MRTFA: variants seen among roughly 807,000 people sequenced by gnomAD.
MRTFA encodes myocardin related transcription factor A, also known as myocardin-related transcription factor A.
MRTFA carries 20 observed loss-of-function variants against 83.5 expected under a neutral mutation model. The ratio of observed to expected loss-of-function variants is 0.24; its 90% CI spans 0.17 to 0.35. The LOEUF is 0.35. Ranked by LOEUF, MRTFA falls within the 10% of genes least tolerant of loss-of-function variation. The pLI is 1.00. For missense variants in MRTFA, 1,200 were observed against 1,224.7 expected (o/e 0.98, Z 0.30); for synonymous variants, 659 against 541.2 (o/e 1.22, Z -3.02).
intron 3 of MRTFA, among the ~76,000 whole-genome samples, chr22:40,470,239 A>T (rs1400795899): frequency 4.2e-5 from 1 of 24,094 alleles, no homozygotes; most frequent in East Asian, 1.7e-3. Flanking sequence ...TTTTATATAT[A>T]TATATATATA....
chr22:40,483,873 T>G (rs1038294773), intron 3 of MRTFA, among the ~76,000 whole-genome samples: 2 of 151,868 alleles, frequency 1.3e-5, no homozygotes, highest in Non-Finnish European at 2.9e-5. Context: ...TTTTGCTTTT[T>G]GGGGGTTTGT....
intron 4 of MRTFA, among the ~76,000 whole-genome samples, chr22:40,455,131 A>G (rs1445589713): frequency 1.3e-5 from 2 of 152,214 alleles, no homozygotes; most frequent in Admixed American, 1.3e-4. Flanking sequence ...AGTAGCAACT[A>G]GCCAAATGTG....
At chr22:40,525,111 A>T (rs956816669) in intron 3 of MRTFA, among the ~76,000 whole-genome samples, 2 of 152,130 alleles carry the variant, frequency 1.3e-5, no homozygotes, top group Non-Finnish European at 2.9e-5. Context: ...TGCCCAGCCA[A>T]CATAAGCTTT....
intron 14 of MRTFA, among the ~76,000 whole-genome samples, chr22:40,415,731 C>T (rs1218698583): frequency 6.6e-6 from 1 of 152,076 alleles, no homozygotes; most frequent in Non-Finnish European, 1.5e-5. Flanking sequence ...TTCCCCTCTG[C>T]AGGGGAACCT....
At chr22:40,422,863 A>C (rs374655958) in intron 9 of MRTFA, among the ~76,000 whole-genome samples, 2 of 152,266 alleles carry the variant, frequency 1.3e-5, no homozygotes, top group East Asian at 3.9e-4. Context: ...GTGAGGAGAG[A>C]GCCTGGGGAA....
intron 1 of MRTFA, among the ~76,000 whole-genome samples, chr22:40,595,196 T>A (rs565738143): frequency 6.8e-6 from 1 of 146,920 alleles, no homozygotes; most frequent in African/African-American, 2.5e-5. Flanking sequence ...CTCAGCTCAC[T>A]GCAACCTCCG....
chr22:40,460,016 TG>T (rs1158132415), intron 4 of MRTFA, among the ~76,000 whole-genome samples: 14 of 151,460 alleles, frequency 9.2e-5, no homozygotes, highest in Admixed American at 9.2e-4. Context: ...AAACTCGGCT[TG>T]CTGCAGCCTC....
intron 3 of MRTFA, among the ~76,000 whole-genome samples, chr22:40,529,889 G>A (rs766620122): frequency 6.6e-6 from 1 of 152,062 alleles, no homozygotes; most frequent in Non-Finnish European, 1.5e-5. Context: ...CTTTATTGAG[G>A]CAGCCAGGGT....
rs970403466 is a variant in MRTFA at position 40,496,490 on chromosome 22, T to C, written c.242-33204A>G. 1.4e-4 allele frequency among the ~76,000 whole-genome samples: 21 copies of C among 150,958 alleles called. 2 individuals are homozygous for C. The highest frequency in any genetic ancestry group is 1.2e-3 in the Admixed American group (18 of 15,092). On this transcript the variant is annotated intron_variant, in intron 3 of 14. Coordinates refer to ENST00000355630, the MANE Select transcript of MRTFA (RefSeq NM_020831.6). ...CTACATTAAATAACTACTGTCTTTATAATAAGCCAAAAATCTTTTTCTCAA... is the reference window on the plus strand; with the variant it reads ...CTACATTAAATAACTACTGTCTTTACAATAAGCCAAAAATCTTTTTCTCAA...
chr22:40,526,753 T>C (rs959639239), intron 3 of MRTFA: 4 of 152,148 alleles, frequency 2.6e-5, no homozygotes, highest in Non-Finnish European at 5.9e-5. Context: ...CCTCTGTAAA[T>C]TGTGAAGATA....
At chr22:40,625,264 G>A (rs1456327263) in intron 1 of MRTFA, among the ~76,000 whole-genome samples, 10 of 151,666 alleles carry the variant, frequency 6.6e-5, no homozygotes, top group Non-Finnish European at 1.5e-4. Context: ...AGGATCACTT[G>A]AGCCCAGGAG....
At chr22:40,551,000 TG>T (rs1812049100) in intron 3 of MRTFA, among the ~76,000 whole-genome samples, 1 of 151,898 alleles carries the variant, frequency 6.6e-6, no homozygotes, top group South Asian at 2.1e-4. Flanking sequence ...TACAAGCATG[TG>T]CCACCATGCC....
chr22:40,538,886 T>G (rs370831794), intron 3 of MRTFA, among the ~76,000 whole-genome samples: 11 of 152,234 alleles, frequency 7.2e-5, no homozygotes, highest in East Asian at 5.8e-4. Flanking sequence ...AACAAAAGGT[T>G]TGCTTCTAAT....
At chr22:40,447,354 AAAAAAAG>A (rs1161323064) in intron 4 of MRTFA, among the ~76,000 whole-genome samples, 1 of 152,036 alleles carries the variant, frequency 6.6e-6, no homozygotes, top group East Asian at 1.9e-4. Flanking sequence ...GTTTCAAAAA[AAAAAAAG>A]AAAAAAGAAA....
At chr22:40,424,431 T>C (rs1313524080) in intron 7 of MRTFA, 50 bp from the exon 8 acceptor site, 1 of 1,592,326 alleles carries the variant, frequency 6.3e-7, no homozygotes, top group African/African-American at 1.3e-5. Flanking sequence ...AGGGAACAGA[T>C]GAGCAGGGAC....
chr22:40,582,132 CTATTCTGGA>C (rs958195635), intron 2 of MRTFA, among the ~76,000 whole-genome samples: 16 of 152,164 alleles, frequency 1.1e-4, no homozygotes, highest in African/African-American at 3.6e-4. Context: ...ACGGATTTGC[CTATTCTGGA>C]CATTTCACAT....
intron 3 of MRTFA, among the ~76,000 whole-genome samples, chr22:40,468,013 G>GT (rs1158841519): frequency 6.6e-6 from 1 of 152,092 alleles, no homozygotes; most frequent in Non-Finnish European, 1.5e-5. Flanking sequence ...AAAACCCTAG[G>GT]TTCTCCACTC....
At chr22:40,548,584 G>A (rs1466058844) in intron 3 of MRTFA, among the ~76,000 whole-genome samples, 1 of 152,018 alleles carries the variant, frequency 6.6e-6, no homozygotes. Flanking sequence ...TTTAAGGCCG[G>A]GCCTGGTGGC....
intron 4 of MRTFA, among the ~76,000 whole-genome samples, chr22:40,449,619 A>C (rs1037737373): frequency 1.3e-5 from 2 of 152,252 alleles, no homozygotes; most frequent in Non-Finnish European, 2.9e-5. Flanking sequence ...GGCAAAGAAG[A>C]GGTGAGAAAG....
Sources: gnomAD v4.1 joint callset for allele counts (sites outside exome capture counted in the v4.1 genomes callset) on GRCh38, gnomAD v4.1.1 for gene constraint, MANE v1.5 for transcripts, NCBI Gene and HGNC (gene_info 2026-07-23, HGNC 2026-07-21) for gene names.